The following NCOA2 variants were observed in gnomAD, a reference collection of about 807,000 sequenced individuals.
NCOA2 encodes the protein class E basic helix-loop-helix protein 75.
NCOA2 carries 21 observed loss-of-function variants against 145.1 expected under a neutral mutation model. That is an observed-to-expected ratio of 0.14 (90% CI 0.10 to 0.21). The LOEUF (loss-of-function observed/expected upper bound fraction) is 0.21, where lower values mean the gene tolerates loss of function less well. Among genes scored for constraint, NCOA2 ranks in the 10% least tolerant of loss-of-function variants. NCOA2 has a pLI of 1.00. For synonymous variants in NCOA2, 619 were observed against 637.5 expected, an observed-to-expected ratio of 0.97 and a Z score of 0.44; for missense variants, 1,472 against 1,837.6, an observed-to-expected ratio of 0.80 and a Z score of 3.64.
chr8:70,225,184 G>C (rs1820509229), intron 2 of NCOA2, among the ~76,000 whole-genome samples: 4 of 152,190 alleles, frequency 2.6e-5, no homozygotes. Flanking sequence ...TAACAGGAAA[G>C]TAGGGAGAGG....
rs1469934874 is a variant in NCOA2, at chr8:70,113,192, A to G, written c.*440T>C. The G allele has an allele frequency of 4.3e-6, 1 of 231,072 alleles. No homozygotes were observed. Among genetic ancestry groups the G allele is most frequent in the Non-Finnish European group, 8.5e-6 (1 of 117,282 alleles). The allele number at this position is 231,072 out of a possible 1,614,324, so 14.3% of individuals were successfully genotyped here. On this transcript the variant is annotated 3_prime_UTR_variant, in exon 23 of 23. Coordinates refer to ENST00000452400, the MANE Select transcript of NCOA2 (RefSeq NM_006540.4). The stretch of plus-strand genomic sequence containing the variant: ...TAAAAAATTCTTTTCTTTCCCCCAG[A>G]TAAAATCTTAATCTTTTGCACTAGA...
At chr8:70,389,042 C>T (rs1003921757) in intron 1 of NCOA2, among the ~76,000 whole-genome samples, 5 of 152,096 alleles carry the variant, frequency 3.3e-5, no homozygotes, top group African/African-American at 1.2e-4. Context: ...AAAACAGAAC[C>T]AAGCAAGAGA....
At chr8:70,158,899 T>C (rs756881673) in intron 10 of NCOA2, among the ~76,000 whole-genome samples, 4 of 152,194 alleles carry the variant, frequency 2.6e-5, no homozygotes, top group Admixed American at 1.3e-4. Flanking sequence ...CCTTTTTCAA[T>C]GTAATGGGCA....
intron 22 of NCOA2, 113 bp downstream of exon 22, chr8:70,121,189 T>G (rs1807765400): frequency 1.2e-6 from 1 of 841,010 alleles, no homozygotes; most frequent in Non-Finnish European, 1.9e-6. Context: ...CAGAAGATAT[T>G]TTACGATTAT....
At chr8:70,429,344 G>T in the NCOA2 span, among the ~76,000 whole-genome samples, 1 of 152,188 alleles carries the variant, frequency 6.6e-6, no homozygotes, top group Non-Finnish European at 1.5e-5. Flanking sequence ...TTGTTCCAGA[G>T]GTGACAAGCC....
upstream of NCOA2, among the ~76,000 whole-genome samples, chr8:70,408,080 T>A (rs1475270536): frequency 6.6e-6 from 1 of 152,130 alleles, no homozygotes; most frequent in Non-Finnish European, 1.5e-5. Flanking sequence ...AAAACAAATA[T>A]TAATACACCC....
intron 4 of NCOA2, among the ~76,000 whole-genome samples, chr8:70,180,930 T>C (rs1815405217): frequency 6.6e-6 from 1 of 152,246 alleles, no homozygotes; most frequent in Non-Finnish European, 1.5e-5. Flanking sequence ...AATTAGAAAC[T>C]GATCCTAGCA....
chr8:70,324,908 T>C (rs903659794), intron 1 of NCOA2, among the ~76,000 whole-genome samples: 1 of 152,092 alleles, frequency 6.6e-6, no homozygotes, highest in Non-Finnish European at 1.5e-5. Flanking sequence ...TTTTGAAAAA[T>C]AGAAAAAAAG....
chr8:70,309,368 T>TAA (rs1298852392), intron 1 of NCOA2, among the ~76,000 whole-genome samples: 1 of 134,130 alleles, frequency 7.5e-6, no homozygotes, highest in East Asian at 2.1e-4. Flanking sequence ...AATAAGGACT[T>TAA]AAAAAAAAAA....
intron 15 of NCOA2, among the ~76,000 whole-genome samples, chr8:70,136,742 G>T (rs763884931): frequency 1.3e-5 from 2 of 152,058 alleles, no homozygotes; most frequent in Non-Finnish European, 2.9e-5. Context: ...CTTATAAAGG[G>T]GATTTTTAAA....
intron 2 of NCOA2, among the ~76,000 whole-genome samples, chr8:70,257,991 C>T (rs1022672488): frequency 6.6e-6 from 1 of 152,100 alleles, no homozygotes; most frequent in Non-Finnish European, 1.5e-5. Context: ...AATTTCAGCT[C>T]ACTGTAACCT....
At chr8:70,197,219 G>A (rs759458900) in intron 4 of NCOA2, among the ~76,000 whole-genome samples, 2 of 152,074 alleles carry the variant, frequency 1.3e-5, no homozygotes, top group Non-Finnish European at 2.9e-5. Flanking sequence ...ATCAAAAAAC[G>A]TTTTACTTCC....
chr8:70,182,530 G>C (rs1815603248), intron 4 of NCOA2, among the ~76,000 whole-genome samples: 1 of 152,150 alleles, frequency 6.6e-6, no homozygotes, highest in Non-Finnish European at 1.5e-5. Context: ...TAGACTTTGA[G>C]TATTAGACAG....
At chr8:70,342,254 A>C (rs190276075) in intron 1 of NCOA2, among the ~76,000 whole-genome samples, 11 of 152,294 alleles carry the variant, frequency 7.2e-5, no homozygotes, top group Admixed American at 7.2e-4. Flanking sequence ...ATAAGCAATC[A>C]CTTTCAGCAT....
chr8:70,211,497 T>G (rs959169040), intron 4 of NCOA2, among the ~76,000 whole-genome samples: 4 of 151,992 alleles, frequency 2.6e-5, no homozygotes, highest in African/African-American at 9.7e-5. Context: ...TCTTTCTGCT[T>G]AAGTAGGAAT....
chr8:70,147,747 G>T (rs1446713514), intron 12 of NCOA2, among the ~76,000 whole-genome samples: 1 of 151,966 alleles, frequency 6.6e-6, no homozygotes, highest in Non-Finnish European at 1.5e-5. Context: ...CCTGAGACAG[G>T]GCAAGATTTT....
intron 4 of NCOA2, among the ~76,000 whole-genome samples, chr8:70,213,076 C>CT (rs1819210225): frequency 7.4e-6 from 1 of 135,778 alleles, no homozygotes; most frequent in South Asian, 2.5e-4. Flanking sequence ...TAGAGTGAGA[C>CT]TGTCTCAAAA....
At chr8:70,346,602 T>C (rs1404758685) in intron 1 of NCOA2, among the ~76,000 whole-genome samples, 1 of 151,958 alleles carries the variant, frequency 6.6e-6, no homozygotes, top group Non-Finnish European at 1.5e-5. Context: ...AAAAGTGGAG[T>C]GGATGCTCAA....
Position 70,126,806 on chromosome 8 carries a change from C to A in NCOA2, c.3916+7G>T, listed in dbSNP as rs746627234. ...GGTGAAAGGTGGTGGGGATCTAAGT[C>A]CAGTACCGTAGTTTGGAGGAAATGG... is the stretch of plus-strand genomic sequence containing the variant. On this transcript the variant is annotated splice_region_variant and intron_variant, in intron 19 of 22. Coordinates refer to ENST00000452400, the MANE Select transcript of NCOA2 (RefSeq NM_006540.4). 4 of 1,612,074 alleles carry A rather than the reference C, an allele frequency of 2.5e-6. No individual in the cohort carries two copies. Among genetic ancestry groups the A allele is most frequent in the Non-Finnish European group, 3.4e-6 (4 of 1,178,384 alleles).
Sources: gnomAD v4.1 joint callset for allele counts (sites outside exome capture counted in the v4.1 genomes callset) on GRCh38, gnomAD v4.1.1 for gene constraint, MANE v1.5 for transcripts, NCBI Gene and HGNC (gene_info 2026-07-23, HGNC 2026-07-21) for gene names.